Variants in CCDC91 observed in about 807,000 individuals in gnomAD.
CCDC91 encodes coiled-coil domain-containing protein 91.
Under a neutral mutation model 63.2 loss-of-function variants are expected in CCDC91, and 48 were observed. The observed-to-expected ratio is 0.76, with a 90% CI of 0.60 to 0.97. The LOEUF (loss-of-function observed/expected upper bound fraction) is 0.97. Ranked by LOEUF, CCDC91 falls within the 50% of genes least tolerant of loss-of-function variation. CCDC91 has a pLI of 0.00. For synonymous variants in CCDC91, 167 were observed against 165.8 expected (o/e 1.01, Z -0.06); for missense variants, 500 against 494.6 (o/e 1.01, Z -0.10).
At chr12:28,469,509 T>C (rs535974957) in intron 11 of CCDC91, among the ~76,000 whole-genome samples, 2 of 152,126 alleles carry the variant, frequency 1.3e-5, no homozygotes, top group East Asian at 3.9e-4. Context: ...TGTCCATATT[T>C]CCCAAAGCAA....
chr12:28,549,070 A>C lies in CCDC91; in HGVS notation c.1223A>C (p.Gln408Pro). The change falls in exon 13 of 13, where the codon CAA becomes CCA. Residue 408 changes from glutamine (Q) to proline (P), a missense_variant. Coordinates refer to ENST00000536442, the MANE Select transcript of CCDC91 (RefSeq NM_018318.5). ...EYIKEQKRLD[Q>P]VIRQRSLSSL... ...TTTAAAAAAATTAAACAGCTCGATC[A>C]AGTCATCCGCCAAAGAAGCCTGTCC... 1 of 1,608,246 alleles carries C rather than the reference A, an allele frequency of 6.2e-7. No individual in the cohort carries two copies.
Position 28,495,505 on chromosome 12 carries a change from G to A in CCDC91, c.1215+11340G>A, listed in dbSNP as rs532751864. Among the ~76,000 whole-genome samples the A allele has an allele frequency of 4.0e-5, 6 of 151,690 alleles. No individual in the cohort carries two copies. In the East Asian group the frequency reaches 7.8e-4, roughly 20 times the overall value. On this transcript the variant is annotated intron_variant, in intron 12 of 12. Coordinates refer to ENST00000536442, the MANE Select transcript of CCDC91 (RefSeq NM_018318.5). ...TTCCTCCTGCTTCTTGTAATTAGGTGTATCTACTTGAGTTTTGCTACCTCA... is the reference window on the plus strand; with the variant it reads ...TTCCTCCTGCTTCTTGTAATTAGGTATATCTACTTGAGTTTTGCTACCTCA...
At chr12:28,491,879 G>A (rs1158054338) in intron 12 of CCDC91, among the ~76,000 whole-genome samples, 1 of 150,518 alleles carries the variant, frequency 6.6e-6, no homozygotes, top group Non-Finnish European at 1.5e-5. Flanking sequence ...GTGTGTGTGT[G>A]TGTGTGTGTG....
intron 3 of CCDC91, among the ~76,000 whole-genome samples, chr12:28,286,261 T>G (rs892335759): frequency 6.6e-6 from 1 of 152,180 alleles, no homozygotes; most frequent in African/African-American, 2.4e-5. Context: ...AGGTTTGTTA[T>G]ATAAGTAAAC....
At chr12:28,229,779 G>A (rs931469986) in intron 1 of CCDC91, among the ~76,000 whole-genome samples, 4 of 142,172 alleles carry the variant, frequency 2.8e-5, no homozygotes, top group Non-Finnish European at 6.2e-5. Flanking sequence ...TAATGATGGG[G>A]ACATATTTTG....
intron 12 of CCDC91, among the ~76,000 whole-genome samples, chr12:28,513,443 G>A (rs1305362521): frequency 6.6e-6 from 1 of 151,842 alleles, no homozygotes; most frequent in Non-Finnish European, 1.5e-5. Context: ...TTTGAGCACT[G>A]ACATATGTTG....
chr12:28,481,534 A>T (rs538254350), intron 11 of CCDC91, among the ~76,000 whole-genome samples: 2 of 152,176 alleles, frequency 1.3e-5, no homozygotes, highest in South Asian at 4.1e-4. Flanking sequence ...CAGGAATGAT[A>T]TATTTAATTT....
chr12:28,273,689 T>C (rs1419838366), intron 3 of CCDC91, among the ~76,000 whole-genome samples: 49 of 144,754 alleles, frequency 3.4e-4, no homozygotes, highest in African/African-American at 5.3e-4. Flanking sequence ...ATGGGGTTGT[T>C]TGTTTTTTTC....
At chr12:28,433,099 A>G (rs958813065) in intron 8 of CCDC91, among the ~76,000 whole-genome samples, 1 of 151,798 alleles carries the variant, frequency 6.6e-6, no homozygotes, top group African/African-American at 2.4e-5. Context: ...AGTTTTCTGC[A>G]TGCTTTGGAA....
At chr12:28,263,463 G>T (rs1318436576) in intron 3 of CCDC91, among the ~76,000 whole-genome samples, 1 of 151,768 alleles carries the variant, frequency 6.6e-6, no homozygotes, top group African/African-American at 2.4e-5. Flanking sequence ...TTTGTAACTG[G>T]CTTATTTTAC....
chr12:28,273,414 CACT>C (rs2136416355), intron 3 of CCDC91, among the ~76,000 whole-genome samples: 1 of 152,308 alleles, frequency 6.6e-6, no homozygotes, highest in African/African-American at 2.4e-5. Flanking sequence ...GGAATTGCCA[CACT>C]GACTTCCACA....
intron 12 of CCDC91, among the ~76,000 whole-genome samples, chr12:28,523,083 A>G (rs1345890825): frequency 6.6e-6 from 1 of 152,168 alleles, no homozygotes; most frequent in Non-Finnish European, 1.5e-5. Context: ...GTAGATATCT[A>G]TTAGGTCCGC....
chr12:28,196,315 C>A (rs1327854359), intron 1 of CCDC91, among the ~76,000 whole-genome samples: 1 of 151,294 alleles, frequency 6.6e-6, no homozygotes, highest in Non-Finnish European at 1.5e-5. Flanking sequence ...TAATATTGAT[C>A]TTGAATTTTT....
chr12:28,265,787 A>C (rs1368735900), intron 3 of CCDC91, among the ~76,000 whole-genome samples: 1 of 151,990 alleles, frequency 6.6e-6, no homozygotes, highest in Non-Finnish European at 1.5e-5. Flanking sequence ...CATTTGTCTG[A>C]TTTATATTTG....
chr12:28,540,383 T>C (rs1942541839), intron 12 of CCDC91, among the ~76,000 whole-genome samples: 1 of 152,144 alleles, frequency 6.6e-6, no homozygotes, highest in Non-Finnish European at 1.5e-5. Flanking sequence ...AATTACATGG[T>C]TTAATGACTG....
intron 3 of CCDC91, among the ~76,000 whole-genome samples, chr12:28,272,416 CTT>C (rs1431737981): frequency 3.8e-5 from 5 of 130,446 alleles, no homozygotes; most frequent in Non-Finnish European, 5.0e-5. Context: ...AGTAAAGTCG[CTT>C]TTTTTTTTTT....
chr12:28,343,593 CTTTACCTGTACTTTCATTA>C (rs1398760424), intron 6 of CCDC91, among the ~76,000 whole-genome samples: 2 of 152,218 alleles, frequency 1.3e-5, no homozygotes, highest in Middle Eastern at 3.4e-3. Context: ...AGTTCAATTT[CTTTACCTGTACTTTCATTA>C]TTTATAAAAT....
intron 3 of CCDC91, among the ~76,000 whole-genome samples, chr12:28,289,729 T>C (rs1355687037): frequency 6.9e-6 from 1 of 144,768 alleles, no homozygotes; most frequent in African/African-American, 2.6e-5. Context: ...TCTCACTCTG[T>C]TGCCCAGGCT....
chr12:28,321,579 A>T, intron 6 of CCDC91, among the ~76,000 whole-genome samples: 1 of 151,844 alleles, frequency 6.6e-6, no homozygotes, highest in African/African-American at 2.4e-5. Flanking sequence ...TGGGGTCCTC[A>T]TAATGGAATT....
Sources: allele counts gnomAD v4.1 joint callset (sites outside exome capture counted in the v4.1 genomes callset), GRCh38; gene constraint gnomAD v4.1.1; transcripts MANE v1.5; gene names NCBI Gene and HGNC (gene_info 2026-07-23, HGNC 2026-07-21).